SPATC1L: variants seen among roughly 807,000 people sequenced by gnomAD.
The protein encoded by SPATC1L is speriolin-like protein.
SPATC1L carries 20 observed loss-of-function variants against 21.2 expected under a neutral mutation model. The ratio of observed to expected loss-of-function variants is 0.94; its 90% CI spans 0.66 to 1.37. The LOEUF is 1.37. SPATC1L is among the 40% of genes most tolerant of loss of function. SPATC1L has a pLI of 0.00. For synonymous variants in SPATC1L, 290 were observed against 234.5 expected (o/e 1.24, Z -2.16); for missense variants, 499 against 478.7 (o/e 1.04, Z -0.40).
rs2079704268 is a variant in SPATC1L, at chr21:46,184,007, T to TAGGGTGGG, written c.-958-234_-958-233insCCCACCCT. ...CCAGCCTAGGGTGGGGAGACCAGCCTGAGGCAGCCCCACGATGGCCCCCAC... is the reference window on the plus strand; with the variant it reads ...CCAGCCTAGGGTGGGGAGACCAGCCTAGGGTGGGGAGGCAGCCCCACGATGGCCCCCAC... On this transcript the variant is annotated intron_variant, in intron 1 of 4. Coordinates refer to ENST00000291672, the MANE Select transcript of SPATC1L (RefSeq NM_001142854.2). Among the ~76,000 whole-genome samples the TAGGGTGGG allele has an allele frequency of 5.9e-5, 9 of 152,132 alleles. 1 individual carries two copies. Among genetic ancestry groups the TAGGGTGGG allele is most frequent in the Non-Finnish European group, 7.4e-5 (5 of 67,936 alleles).
intron 3 of SPATC1L, among the ~76,000 whole-genome samples, chr21:46,166,090 G>T (rs921255743): frequency 1.3e-5 from 2 of 152,196 alleles, no homozygotes; most frequent in African/African-American, 4.8e-5. Flanking sequence ...AAATAGGCAG[G>T]TGCAGTAGCT....
Position 46,161,488 on chromosome 21 carries a change from T to G in SPATC1L, c.914A>C (p.Lys305Thr). 1.2e-6 allele frequency: 2 copies of G among 1,605,250 alleles called. No individual in the cohort carries two copies. The highest frequency in any genetic ancestry group is 1.7e-6 in the Non-Finnish European group (2 of 1,175,254). ...PLHSSPAALR[K>T]LVIDVVPPKF... ...GGGGGGCACCACGTCGATGACCAGC[T>G]TGCGCAGCGCGGCCGGGCTGCTGTG... Residue 305 changes from lysine (K) to threonine (T), a missense_variant, in exon 5 of 5, where the codon AAG becomes ACG. Lys to Thr is a moderately conservative substitution (Grantham distance 78). Transcript: ENST00000291672.
In SPATC1L at chr21:46,161,685, G is replaced by T; in HGVS notation, c.717C>A (p.Asp239Glu). The T allele has an allele frequency of 6.2e-7, 1 of 1,601,562 alleles. No individual in the cohort carries two copies. The change falls in exon 5 of 5, where the codon GAC becomes GAA. Residue 239 changes from aspartate (D) to glutamate (E), a missense_variant. Asp to Glu is a conservative substitution (Grantham distance 45, BLOSUM62 2). Transcript: ENST00000291672. ...KIEQTSTKSLDGSVDERKLRE... is the reference protein window; with the variant it reads ...KIEQTSTKSLEGSVDERKLRE... ...GCAGCTTCCTCTCGTCCACGGAGCC[G>T]TCCAGAGACTTGGTGGAGGTCTGCG...
At position 46,182,810 on chromosome 21, in the gene SPATC1L, C is replaced by T; in HGVS notation, c.7G>A (p.Glu3Lys). The change falls in exon 2 of 5, where the codon GAA becomes AAA. Residue 3 changes from glutamate (E) to lysine (K), a missense_variant. Coordinates refer to ENST00000291672, the MANE Select transcript of SPATC1L (RefSeq NM_001142854.2). ...AGCCGGCTCATCAGCTCGCCGCCTT[C>T]AGCCATGGCGGGTGCGTCCCTCCTT... MA[E>K]GGELMSRLLS... 5.9e-6 allele frequency: 9 copies of T among 1,537,754 alleles called. No homozygotes were observed. The South Asian group carries it at 1.1e-4, about 19-fold the overall frequency.
intron 2 of SPATC1L, among the ~76,000 whole-genome samples, chr21:46,175,816 C>CA (rs1417029457): frequency 6.6e-6 from 1 of 152,144 alleles, no homozygotes; most frequent in Non-Finnish European, 1.5e-5. Context: ...ATGAGGCCAG[C>CA]ATCATCCTGA....
intron 2 of SPATC1L, among the ~76,000 whole-genome samples, chr21:46,178,324 A>G (rs1396664278): frequency 6.6e-6 from 1 of 152,144 alleles, no homozygotes; most frequent in Admixed American, 6.5e-5. Flanking sequence ...CAGCAAACTA[A>G]TGCAGGAACA....
intron 2 of SPATC1L, among the ~76,000 whole-genome samples, chr21:46,171,268 T>C (rs2079587961): frequency 6.6e-6 from 1 of 152,188 alleles, no homozygotes; most frequent in Non-Finnish European, 1.5e-5. Flanking sequence ...TCTACCTCCA[T>C]GTCATGTGTA....
At position 46,167,862 on chromosome 21, in the gene SPATC1L, G is replaced by A. The variant is rs764782300; in HGVS notation, c.544+446C>T. 7.9e-5 allele frequency among the ~76,000 whole-genome samples: 12 copies of A among 152,240 alleles called. No homozygotes were observed. In the South Asian group the frequency reaches 1.7e-3, roughly 21 times the overall value. The stretch of plus-strand genomic sequence containing the variant: ...TATAAAACTTCTAGAACAACACACA[G>A]GAGAGAATCTGTGTGACCTTGGGCT... On this transcript the variant is annotated intron_variant, in intron 3 of 4. Transcript: ENST00000291672.
In SPATC1L at chr21:46,168,558, G is replaced by A. The variant is rs907308900; in HGVS notation, c.294C>T (p.Ser98=). ...DLLCSHAPLS[S]EDDTSPGCAA... is the part of the protein sequence containing the mutation. ...CACAGCCCGGGGAGGTGTCGTCCTC[G>A]CTGGACAGGGGGGCATGTGAGCACA... The change falls in exon 3 of 5, where the codon AGC becomes AGT. Residue 98 remains serine (S), a synonymous_variant. Coordinates refer to ENST00000291672, the MANE Select transcript of SPATC1L (RefSeq NM_001142854.2). The A allele has an allele frequency of 3.3e-6, 5 of 1,496,618 alleles. No individual in the cohort carries two copies. Among genetic ancestry groups the A allele is most frequent in the South Asian group, 1.3e-5 (1 of 78,808 alleles). 92.7% of individuals were successfully genotyped at this position (1,496,618 alleles called of 1,614,324 possible).
Position 46,168,920 on chromosome 21 carries a change from G to A in SPATC1L, c.194-262C>T, listed in dbSNP as rs61396606. ...GGGCACAGCAAGCGGGCAGGCCTCC[G>A]TGTGCCTCCTGCCTGCCTGTGTGCC... On this transcript the variant is annotated intron_variant, in intron 2 of 4. Transcript: ENST00000291672. Among the ~76,000 whole-genome samples, 1,299 of 152,306 alleles carry A rather than the reference G, an allele frequency of 8.5e-3. 27 individuals are homozygous for A. Among genetic ancestry groups the A allele is most frequent in the African/African-American group, 0.03 (1,251 of 41,562 alleles).
Position 46,168,298 on chromosome 21 carries a change from C to A in SPATC1L, c.544+10G>T. The A allele has an allele frequency of 6.4e-7, 1 of 1,551,010 alleles. No homozygotes were observed. The highest frequency in any genetic ancestry group is 8.8e-7 in the Non-Finnish European group (1 of 1,139,046). On this transcript the variant is annotated intron_variant, in intron 3 of 4. Coordinates refer to ENST00000291672, the MANE Select transcript of SPATC1L (RefSeq NM_001142854.2). The stretch of plus-strand genomic sequence containing the variant: ...GGGGCCCCCCCAGGTGCCCCCGCAC[C>A]CGGCCATACCATTGAGGTAGTAGCT...
At position 46,174,350 on chromosome 21, in the gene SPATC1L, A is replaced by AAAAAAAAAC. The variant is rs2079616280; in HGVS notation, c.194-5693_194-5692insGTTTTTTTT. 4.0e-5 allele frequency among the ~76,000 whole-genome samples: 6 copies of AAAAAAAAAC among 148,252 alleles called. No homozygotes were observed. In the South Asian group the frequency reaches 1.4e-3, roughly 33 times the overall value. ...TCTGTCTCAAAAAACAAAACAAAAA[A>AAAAAAAAAC]AAAAAAAAAACAGAATGGCAAGCTA... On this transcript the variant is annotated intron_variant, in intron 2 of 4. Coordinates refer to ENST00000291672, the MANE Select transcript of SPATC1L (RefSeq NM_001142854.2).
At chr21:46,168,754 A>G in intron 2 of SPATC1L, 96 bp from the exon 3 acceptor site, 1 of 774,672 alleles carries the variant, frequency 1.3e-6, no homozygotes, top group Non-Finnish European at 1.8e-6. Flanking sequence ...TATGCACCCC[A>G]CCCCAAGCTT....
rs561853386 is a variant in SPATC1L at position 46,171,536 on chromosome 21, G to A, written c.194-2878C>T. Among the ~76,000 whole-genome samples the A allele has an allele frequency of 8.6e-5, 13 of 152,038 alleles. No homozygotes were observed. In the South Asian group the frequency reaches 1.0e-3, roughly 12 times the overall value. On this transcript the variant is annotated intron_variant, in intron 2 of 4. Coordinates refer to ENST00000291672, the MANE Select transcript of SPATC1L (RefSeq NM_001142854.2). ...GAAGCAAAGTCATCAGCGTGTGCCC[G>A]GCCTCCTGCCACGTGGGAGGCCTGG... is the stretch of plus-strand genomic sequence containing the variant.
At chr21:46,179,954 T>C (rs2079659943) in intron 2 of SPATC1L, among the ~76,000 whole-genome samples, 1 of 152,254 alleles carries the variant, frequency 6.6e-6, no homozygotes, top group South Asian at 2.1e-4. Flanking sequence ...GTGGGAACGA[T>C]GCCGGCGCAG....
intron 3 of SPATC1L, among the ~76,000 whole-genome samples, chr21:46,167,202 A>G (rs1443239657): frequency 6.6e-6 from 1 of 152,220 alleles, no homozygotes; most frequent in East Asian, 1.9e-4. Context: ...TAAGAAGGAA[A>G]TTTTAAAAAT....
At position 46,183,595 on chromosome 21, in the gene SPATC1L, C is replaced by T. The variant is rs35960150; in HGVS notation, c.-779G>A. ...GAGGAGACCAGCCTGGTGAGGAGAC[C>T]AGCCTGGGGGAGGAGACCAGCCTTG... On this transcript the variant is annotated 5_prime_UTR_variant, in exon 2 of 5. Coordinates refer to ENST00000291672, the MANE Select transcript of SPATC1L (RefSeq NM_001142854.2). 0.065 allele frequency: 3,649 copies of T among 55,762 alleles called. 525 individuals are homozygous for T. The highest frequency in any genetic ancestry group is 0.39 in the East Asian group (555 of 1,430). The allele number at this position is 55,762 out of a possible 1,614,324, so 3.5% of individuals were successfully genotyped here.
Position 46,182,893 on chromosome 21 carries a change from C to G in SPATC1L, c.-77G>C, listed in dbSNP as rs2079687380. ...GGGAGCCCAGAGCCCGCAGGCACCA[C>G]AGAAACAGCCCAGGCACGGAGTTCC... is the stretch of plus-strand genomic sequence containing the variant. On this transcript the variant is annotated 5_prime_UTR_variant, in exon 2 of 5. Transcript: ENST00000291672. 1 of 1,390,408 alleles carries G rather than the reference C, an allele frequency of 7.2e-7. No homozygotes were observed. Among genetic ancestry groups the G allele is most frequent in the Non-Finnish European group, 9.5e-7 (1 of 1,053,156 alleles). The allele number at this position is 1,390,408 out of a possible 1,614,324, so 86.1% of individuals were successfully genotyped here.
intron 3 of SPATC1L, among the ~76,000 whole-genome samples, chr21:46,165,587 T>C (rs116357100): frequency 0.081 from 11,713 of 144,426 alleles, 1,027 homozygotes; most frequent in African/African-American, 0.2. Context: ...TTCCCTCCTC[T>C]TAGCCTCTCC....
Sources: gnomAD v4.1 joint callset for allele counts (sites outside exome capture counted in the v4.1 genomes callset) on GRCh38, gnomAD v4.1.1 for gene constraint, MANE v1.5 for transcripts, NCBI Gene and HGNC (gene_info 2026-07-23, HGNC 2026-07-21) for gene names.